The following REEP3 variants were observed in gnomAD, a reference collection of about 807,000 sequenced individuals.
REEP3 encodes receptor accessory protein 3.
In REEP3, 20 loss-of-function variants were observed where a neutral mutation model predicts 41.3. The observed-to-expected ratio is 0.48, with a 90% CI of 0.34 to 0.70. The LOEUF (loss-of-function observed/expected upper bound fraction) is 0.70. REEP3 is among the 30% of genes least tolerant of loss of function. The probability of loss-of-function intolerance (pLI) is 0.01; values close to 1 mark genes in which losing one functional copy is unlikely to be tolerated. For synonymous variants in REEP3, 104 were observed against 101.8 expected (o/e 1.02, Z -0.13); for missense variants, 271 against 308.8 (o/e 0.88, Z 0.92).
At chr10:63,602,904 T>G (rs1026856971) in intron 5 of REEP3, among the ~76,000 whole-genome samples, 3 of 152,224 alleles carry the variant, frequency 2.0e-5, no homozygotes, top group Admixed American at 6.5e-5. Context: ...AAGATAGATA[T>G]AGCCCTCACC....
In REEP3 at chr10:63,602,724, C is replaced by T. The variant is rs921436063; in HGVS notation, c.417+3441C>T. Among the ~76,000 whole-genome samples, 6 of 152,156 alleles carry T rather than the reference C, an allele frequency of 3.9e-5. No individual in the cohort carries two copies. The South Asian group carries it at 6.2e-4, about 16-fold the overall frequency. The stretch of plus-strand genomic sequence containing the variant: ...TTTTGACTTGTGTTTACTACTCCCA[C>T]GTAGGGCATCAGCAGTCCCCACTCT... On this transcript the variant is annotated intron_variant, in intron 5 of 7. Coordinates refer to ENST00000373758, the MANE Select transcript of REEP3 (RefSeq NM_001001330.3).
chr10:63,533,650 G>GTA (rs1262770802), intron 1 of REEP3, among the ~76,000 whole-genome samples: 2 of 150,978 alleles, frequency 1.3e-5, no homozygotes, highest in East Asian at 3.9e-4. Flanking sequence ...GTGAATGAAA[G>GTA]TACTCTTTAA....
At chr10:63,578,362 T>C (rs904056195) in intron 2 of REEP3, among the ~76,000 whole-genome samples, 2 of 152,158 alleles carry the variant, frequency 1.3e-5, no homozygotes, top group African/African-American at 2.4e-5. Flanking sequence ...CCTCCCAAAG[T>C]GCTGGGATTA....
intron 1 of REEP3, among the ~76,000 whole-genome samples, chr10:63,553,670 G>C (rs72837089): frequency 5.9e-5 from 9 of 151,934 alleles, no homozygotes; most frequent in African/African-American, 2.2e-4. Flanking sequence ...CACAGAATAG[G>C]GTAGAATTTG....
At chr10:63,592,779 G>C (rs1029756365) in intron 2 of REEP3, among the ~76,000 whole-genome samples, 5 of 152,186 alleles carry the variant, frequency 3.3e-5, no homozygotes, top group African/African-American at 2.4e-5. Context: ...TGTAATCCCA[G>C]CTACTCAGGA....
In REEP3 at chr10:63,624,595, A is replaced by G. The variant is rs1359226138; in HGVS notation, c.*3726A>G. 1.3e-5 allele frequency: 2 copies of G among 152,076 alleles called. No individual in the cohort carries two copies. The highest frequency in any genetic ancestry group is 4.8e-5 in the African/African-American group (2 of 41,444). The allele number at this position is 152,076 out of a possible 1,614,324, so 9.4% of individuals were successfully genotyped here. A position where few individuals can be genotyped will look rare whatever the true frequency, so the allele number is the denominator to read the frequency against. On this transcript the variant is annotated 3_prime_UTR_variant, in exon 8 of 8. Transcript: ENST00000373758. ...TGTGGCAATTCGCGTTTCTTTTTTT[A>G]TGCCAGAGTACATATGTTGGATTCC...
chr10:63,614,895 G>T (rs773621704), intron 6 of REEP3, among the ~76,000 whole-genome samples: 1 of 152,058 alleles, frequency 6.6e-6, no homozygotes, highest in Non-Finnish European at 1.5e-5. Flanking sequence ...TATGTCATAA[G>T]GAAATAATCA....
intron 1 of REEP3, among the ~76,000 whole-genome samples, chr10:63,554,719 GGAAAA>G (rs1955661518): frequency 6.6e-6 from 1 of 152,114 alleles, no homozygotes; most frequent in Non-Finnish European, 1.5e-5. Flanking sequence ...AATTGCAGCT[GGAAAA>G]CTGTGGAGTG....
rs769123093 is a variant in REEP3 at position 63,599,203 on chromosome 10, C to A, written c.337C>A (p.Arg113=). The change falls in exon 5 of 8, where the codon CGA becomes AGA. Residue 113 remains arginine, a synonymous_variant. Transcript: ENST00000373758. ...IDDYIVQAKE[R]GYETMVNFGR... Reference sequence around the variant, plus strand: ...TGATTATATTGTACAAGCAAAGGAACGAGGCTATGAAACCATGGTAAACTT... The same window carrying A: ...TGATTATATTGTACAAGCAAAGGAAAGAGGCTATGAAACCATGGTAAACTT... 1.3e-6 allele frequency: 2 copies of A among 1,590,846 alleles called. No homozygotes were observed. The highest frequency in any genetic ancestry group is 1.2e-5 in the South Asian group (1 of 86,520).
intron 2 of REEP3, among the ~76,000 whole-genome samples, chr10:63,583,066 A>G (rs1589875885): frequency 1.4e-5 from 2 of 147,670 alleles, no homozygotes; most frequent in African/African-American, 5.0e-5. Context: ...GCTCACTGCA[A>G]CCTCCGCCTC....
chr10:63,549,097 AC>A (rs1306836455), intron 1 of REEP3, among the ~76,000 whole-genome samples: 2 of 152,242 alleles, frequency 1.3e-5, no homozygotes, highest in Admixed American at 6.5e-5. Context: ...ATTTCCTGAA[AC>A]CTGATAACCT....
At chr10:63,583,104 G>A (rs1955970333) in intron 2 of REEP3, among the ~76,000 whole-genome samples, 1 of 152,014 alleles carries the variant, frequency 6.6e-6, no homozygotes, top group African/African-American at 2.4e-5. Flanking sequence ...TCCTGCCTCA[G>A]CCTCTGCCTC....
At chr10:63,598,507 G>A (rs868616350) in intron 4 of REEP3, among the ~76,000 whole-genome samples, 12 of 120,160 alleles carry the variant, frequency 1.0e-4, no homozygotes, top group Middle Eastern at 7.5e-3. Flanking sequence ...AAAAAAGGCC[G>A]GGCACGGTGG....
chr10:63,560,199 T>G (rs1435121359), intron 1 of REEP3, among the ~76,000 whole-genome samples: 1 of 152,144 alleles, frequency 6.6e-6, no homozygotes, highest in Non-Finnish European at 1.5e-5. Flanking sequence ...TTTCTACATA[T>G]TTTTGTTTTT....
At chr10:63,589,022 CAG>C (rs372710790) in intron 2 of REEP3, among the ~76,000 whole-genome samples, 3 of 152,178 alleles carry the variant, frequency 2.0e-5, no homozygotes, top group African/African-American at 4.8e-5. Context: ...CAGGTGAGGG[CAG>C]AGAGATTGCT....
At chr10:63,528,302 C>A (rs1467171056) in intron 1 of REEP3, among the ~76,000 whole-genome samples, 2 of 152,190 alleles carry the variant, frequency 1.3e-5, no homozygotes, top group African/African-American at 2.4e-5. Context: ...CTGTTAATGC[C>A]AGCTCCACCT....
rs536121625 is a variant in REEP3, at chr10:63,554,564, A to G, written c.33-11774A>G. Among the ~76,000 whole-genome samples the G allele has an allele frequency of 1.4e-4, 21 of 152,296 alleles. No homozygotes were observed. The South Asian group carries it at 2.7e-3, about 20-fold the overall frequency. On this transcript the variant is annotated intron_variant, in intron 1 of 7. Transcript: ENST00000373758. ...CACAGGTCTTCAAATTAGAAGTTCT[A>G]TGTTTTGGCTTTAACACTTGCTATG...
chr10:63,619,872 T>C, intron 7 of REEP3, 72 bp downstream of exon 7: 3 of 1,240,262 alleles, frequency 2.4e-6, no homozygotes, highest in Non-Finnish European at 3.4e-6. Flanking sequence ...ATTTAGGATA[T>C]TAATGATCCA....
chr10:63,595,750 G>A (rs989332636), intron 3 of REEP3, among the ~76,000 whole-genome samples: 1 of 152,074 alleles, frequency 6.6e-6, no homozygotes, highest in African/African-American at 2.4e-5. Context: ...GCTAATTTTT[G>A]TATTTTTAAT....
Sources: allele counts gnomAD v4.1 joint callset (sites outside exome capture counted in the v4.1 genomes callset), GRCh38; gene constraint gnomAD v4.1.1; transcripts MANE v1.5; gene names NCBI Gene and HGNC (gene_info 2026-07-23, HGNC 2026-07-21).